The following DNAAF11 variants were observed in gnomAD, a reference collection of about 807,000 sequenced individuals.
The protein encoded by DNAAF11 is dynein axonemal assembly factor 11, also known as leucine rich repeat containing 6.
DNAAF11 carries 45 observed loss-of-function variants against 60.8 expected under a neutral mutation model. The observed-to-expected ratio is 0.74, with a 90% confidence interval of 0.58 to 0.95. The LOEUF (loss-of-function observed/expected upper bound fraction) is 0.95. Among genes scored for constraint, DNAAF11 ranks in the 40% least tolerant of loss-of-function variants. The pLI is 0.00. For missense variants in DNAAF11, 546 were observed against 546.2 expected (o/e 1.00, Z 0.00); for synonymous variants, 191 against 183.5 (o/e 1.04, Z -0.33).
At position 132,606,521 on chromosome 8, in the gene DNAAF11, C is replaced by T. The variant is rs1478889607; in HGVS notation, c.1140+3645G>A. ...ACAGGGTCTTGCTCTGTCATCAAGGCTGGAGTGCAGTGGCACAATCAATGC... is the reference window on the plus strand; with the variant it reads ...ACAGGGTCTTGCTCTGTCATCAAGGTTGGAGTGCAGTGGCACAATCAATGC... On this transcript the variant is annotated intron_variant, in intron 10 of 11. Coordinates refer to ENST00000620350, the MANE Select transcript of DNAAF11 (RefSeq NM_012472.6). 3.9e-5 allele frequency among the ~76,000 whole-genome samples: 6 copies of T among 152,124 alleles called. No individual in the cohort carries two copies. The East Asian group carries it at 1.2e-3, about 29-fold the overall frequency.
chr8:132,583,552 G>T (rs1461504832), intron 11 of DNAAF11, 142 bp downstream of exon 11: 7 of 664,430 alleles, frequency 1.1e-5, no homozygotes, highest in Middle Eastern at 2.7e-4. Flanking sequence ...TCTACGGTTT[G>T]GGAAATAAAC....
upstream of DNAAF11, among the ~76,000 whole-genome samples, chr8:132,676,920 ACAT>A (rs983437814): frequency 6.6e-6 from 1 of 152,196 alleles, no homozygotes; most frequent in Non-Finnish European, 1.5e-5. Flanking sequence ...AACTTACCTG[ACAT>A]CCACTATTAT....
intron 10 of DNAAF11, among the ~76,000 whole-genome samples, chr8:132,584,261 G>A (rs1178583454): frequency 6.6e-6 from 1 of 152,066 alleles, no homozygotes; most frequent in East Asian, 1.9e-4. Context: ...CCCCTTTTTG[G>A]TCTAAAAAGT....
chr8:132,574,712 G>C (rs879634543), intron 11 of DNAAF11, among the ~76,000 whole-genome samples: 2 of 152,076 alleles, frequency 1.3e-5, no homozygotes, highest in Non-Finnish European at 2.9e-5. Flanking sequence ...TCTGAACCTG[G>C]GGTCATCTTG....
At chr8:132,621,246 G>C (rs943153864) in intron 7 of DNAAF11, among the ~76,000 whole-genome samples, 4 of 152,206 alleles carry the variant, frequency 2.6e-5, no homozygotes, top group African/African-American at 9.7e-5. Context: ...ACTTCAGTTA[G>C]TGAAAGAGGA....
intron 3 of DNAAF11, among the ~76,000 whole-genome samples, chr8:132,654,432 G>A (rs977840125): frequency 6.6e-6 from 1 of 151,858 alleles, no homozygotes; most frequent in Non-Finnish European, 1.5e-5. Flanking sequence ...GACCTAACAG[G>A]CATATTTAGA....
intron 1 of DNAAF11, among the ~76,000 whole-genome samples, chr8:132,664,153 G>C (rs1283830852): frequency 6.6e-6 from 1 of 152,224 alleles, no homozygotes; most frequent in Non-Finnish European, 1.5e-5. Flanking sequence ...TCTTGCCCCA[G>C]ATTCTAGTTG....
chr8:132,692,047 C>A, the DNAAF11 span, among the ~76,000 whole-genome samples: 1 of 152,146 alleles, frequency 6.6e-6, no homozygotes, highest in Non-Finnish European at 1.5e-5. Flanking sequence ...GAAAGAGACT[C>A]TTCTGGCTGC....
intron 6 of DNAAF11, among the ~76,000 whole-genome samples, chr8:132,624,412 T>C (rs1038113386): frequency 6.6e-6 from 1 of 152,182 alleles, no homozygotes; most frequent in Admixed American, 6.5e-5. Context: ...GACTGTGTAG[T>C]CCCTTAGTGT....
chr8:132,692,588 G>A, the DNAAF11 span, among the ~76,000 whole-genome samples: 2 of 152,228 alleles, frequency 1.3e-5, no homozygotes, highest in Non-Finnish European at 2.9e-5. Context: ...TTTCTGACAT[G>A]TAGGTATTGA....
intron 1 of DNAAF11, among the ~76,000 whole-genome samples, chr8:132,664,389 T>TA (rs566341879): frequency 3.2e-4 from 48 of 152,308 alleles, no homozygotes; most frequent in Middle Eastern, 6.8e-3. Flanking sequence ...TGCCCACTCT[T>TA]AAAGATTTCC....
rs1329719412 is a variant in DNAAF11, at chr8:132,625,267, A to C, written c.836+5T>G. Reference sequence around the variant, plus strand: ...GCTTCCCTCTCCTAGGAAAGAATGAAATACCTTAATTTTTCCTGTTTCTTC... The same window carrying C: ...GCTTCCCTCTCCTAGGAAAGAATGACATACCTTAATTTTTCCTGTTTCTTC... On this transcript the variant is annotated splice_donor_5th_base_variant and intron_variant, in intron 6 of 11. Transcript: ENST00000620350. The C allele has an allele frequency of 1.3e-6, 2 of 1,592,500 alleles. No individual in the cohort carries two copies.
chr8:132,663,342 A>G (rs976727304), intron 1 of DNAAF11, among the ~76,000 whole-genome samples: 9 of 152,154 alleles, frequency 5.9e-5, no homozygotes, highest in African/African-American at 1.9e-4. Context: ...CTCCTAACCA[A>G]AGTTGGTTCT....
chr8:132,573,121 T>A (rs185932420), intron 11 of DNAAF11, among the ~76,000 whole-genome samples: 1 of 151,970 alleles, frequency 6.6e-6, no homozygotes, highest in Admixed American at 6.6e-5. Context: ...GATACAGATA[T>A]AGATATAGAT....
chr8:132,685,074 G>A, the DNAAF11 span: 8 of 152,182 alleles, frequency 5.3e-5, no homozygotes, highest in African/African-American at 1.7e-4. Flanking sequence ...CTGGTACTTC[G>A]TAGCAGACAA....
At chr8:132,579,954 C>T (rs533086102) in intron 11 of DNAAF11, among the ~76,000 whole-genome samples, 1 of 151,826 alleles carries the variant, frequency 6.6e-6, no homozygotes, top group East Asian at 1.9e-4. Context: ...CAAGATCATG[C>T]CATCACATTC....
upstream of DNAAF11, among the ~76,000 whole-genome samples, chr8:132,679,092 A>T (rs1345937673): frequency 6.6e-6 from 1 of 152,144 alleles, no homozygotes; most frequent in Non-Finnish European, 1.5e-5. Context: ...TGAATATATT[A>T]CAGATTAGGA....
chr8:132,592,112 A>G (rs1274905877), intron 10 of DNAAF11, among the ~76,000 whole-genome samples: 2 of 152,128 alleles, frequency 1.3e-5, no homozygotes, highest in African/African-American at 4.8e-5. Context: ...TATTCACTCA[A>G]TTTCAATCAA....
chr8:132,697,635 A>G, the DNAAF11 span, among the ~76,000 whole-genome samples: 14 of 147,810 alleles, frequency 9.5e-5, no homozygotes, highest in South Asian at 2.2e-4. Context: ...AAAAAAAAAA[A>G]TCCAAAAATA....
Sources: allele counts gnomAD v4.1 joint callset (sites outside exome capture counted in the v4.1 genomes callset), GRCh38; gene constraint gnomAD v4.1.1; transcripts MANE v1.5; gene names NCBI Gene and HGNC (gene_info 2026-07-23, HGNC 2026-07-21).